OGFOD3: variants seen among roughly 807,000 people sequenced by gnomAD.
OGFOD3 encodes 2-oxoglutarate and iron dependent oxygenase domain containing 3, also known as 2-oxoglutarate and iron-dependent oxygenase domain-containing protein 3.
A neutral mutation model predicts 39.8 loss-of-function variants in OGFOD3; 35 were observed. That is an observed-to-expected ratio of 0.88 (90% CI 0.67 to 1.17). OGFOD3 has a LOEUF of 1.17. Among genes scored for constraint, OGFOD3 ranks in the 50% most tolerant of loss-of-function variants. OGFOD3 has a pLI of 0.00. For missense variants in OGFOD3, 438 were observed against 454.5 expected, an observed-to-expected ratio of 0.96 and a Z score of 0.33; for synonymous variants, 200 against 192.0, an observed-to-expected ratio of 1.04 and a Z score of -0.34.
At chr17:82,413,293 G>C (rs926895006) in intron 2 of OGFOD3, among the ~76,000 whole-genome samples, 2 of 152,148 alleles carry the variant, frequency 1.3e-5, no homozygotes, top group African/African-American at 4.8e-5. Flanking sequence ...GCACAGGAGC[G>C]ACTCGGCAGG....
chr17:82,400,543 T>C (rs2052748160), intron 7 of OGFOD3, among the ~76,000 whole-genome samples: 1 of 152,228 alleles, frequency 6.6e-6, no homozygotes, highest in South Asian at 2.1e-4. Flanking sequence ...GGTATTCTTA[T>C]GCATTCGTTT....
At chr17:82,394,516 C>A in intron 8 of OGFOD3, 1 of 1,612,756 alleles carries the variant, frequency 6.2e-7, no homozygotes, top group Non-Finnish European at 8.5e-7. Context: ...TTGGAACCCA[C>A]AAGACATCAT....
At chr17:82,413,992 C>T (rs577678094) in intron 2 of OGFOD3, among the ~76,000 whole-genome samples, 79 of 152,268 alleles carry the variant, frequency 5.2e-4, no homozygotes, top group African/African-American at 1.6e-3. Flanking sequence ...TTAAAAAGTG[C>T]GCAGTGTGGT....
intron 8 of OGFOD3, chr17:82,396,414 A>G (rs575831733): frequency 6.6e-6 from 1 of 151,132 alleles, no homozygotes; most frequent in South Asian, 2.1e-4. Context: ...TACGACATCA[A>G]ATCACAGGGA....
At chr17:82,403,803 G>A (rs542257576) in intron 7 of OGFOD3, 134 bp downstream of exon 7, 4 of 1,199,718 alleles carry the variant, frequency 3.3e-6, no homozygotes, top group Non-Finnish European at 2.4e-6. Context: ...GCCCACGTAC[G>A]CACTCACCCT....
At chr17:82,409,098 C>T (rs1458561697) in intron 4 of OGFOD3, among the ~76,000 whole-genome samples, 1 of 152,238 alleles carries the variant, frequency 6.6e-6, no homozygotes, top group Non-Finnish European at 1.5e-5. Context: ...CCCTCTATCC[C>T]CCAGTGTGAA....
chr17:82,411,391 C>A, intron 3 of OGFOD3, 64 bp downstream of exon 3: 1 of 1,445,626 alleles, frequency 6.9e-7, no homozygotes. Flanking sequence ...GCTCTGCTTC[C>A]CGCCCTAGCC....
intron 7 of OGFOD3, among the ~76,000 whole-genome samples, chr17:82,403,438 C>T (rs756664682): frequency 1.2e-4 from 19 of 152,270 alleles, no homozygotes; most frequent in Non-Finnish European, 1.5e-4. Context: ...TTGAGACTAT[C>T]CTGGCCAACA....
intron 3 of OGFOD3, among the ~76,000 whole-genome samples, chr17:82,411,182 G>A (rs979447574): frequency 6.6e-6 from 1 of 151,450 alleles, no homozygotes; most frequent in African/African-American, 2.4e-5. Flanking sequence ...GAGTAGCTGG[G>A]ACTACAGGCA....
chr17:82,411,484 G>A lies in OGFOD3; in HGVS notation c.351C>T (p.Ile117=), dbSNP rs779880882. The A allele has an allele frequency of 6.2e-6, 10 of 1,614,068 alleles. No individual in the cohort carries two copies. The highest frequency in any genetic ancestry group is 1.6e-4 in the Middle Eastern group (1 of 6,084). ...GAATCCGCTCCGCTTCCTCCCTGGT[G>A]ATGACGACATCGGTGACACCTCTGC... ...KCGRGVTDVV[I]TREEAERIRS... is the part of the protein sequence containing the mutation. Residue 117 remains isoleucine (I), a synonymous_variant, in exon 3 of 9, where the codon ATC becomes ATT. Transcript: ENST00000313056.
intron 3 of OGFOD3, among the ~76,000 whole-genome samples, chr17:82,409,851 C>T (rs1038243592): frequency 2.0e-5 from 3 of 152,200 alleles, no homozygotes; most frequent in East Asian, 3.9e-4. Context: ...GCCGAGATCG[C>T]GCCACTGCAC....
chr17:82,395,425 T>A (rs1364981564), intron 8 of OGFOD3, among the ~76,000 whole-genome samples: 2 of 152,080 alleles, frequency 1.3e-5, no homozygotes, highest in African/African-American at 2.4e-5. Context: ...CAACAGTGAG[T>A]CACTGGACCT....
chr17:82,410,749 C>T (rs142189374), intron 3 of OGFOD3, among the ~76,000 whole-genome samples: 2,796 of 124,886 alleles, frequency 0.022, 98 homozygotes, highest in African/African-American at 0.08. Context: ...GATGGAGTCT[C>T]ACTCTGTCAC....
chr17:82,411,788 TCA>T, intron 2 of OGFOD3: 1 of 505,406 alleles, frequency 2.0e-6, no homozygotes, highest in Middle Eastern at 5.3e-4. Context: ...CCTGGGAAAG[TCA>T]CAGAAACCCC....
chr17:82,394,242 G>T, intron 8 of OGFOD3: 2 of 1,027,918 alleles, frequency 1.9e-6, no homozygotes, highest in Non-Finnish European at 1.4e-6. Flanking sequence ...CGCCCGTCTT[G>T]GCCTCCCAAA....
chr17:82,401,564 G>A (rs1567868575), intron 7 of OGFOD3, among the ~76,000 whole-genome samples: 1 of 151,830 alleles, frequency 6.6e-6, no homozygotes, highest in Non-Finnish European at 1.5e-5. Flanking sequence ...TGCACTTTGG[G>A]AGGCAGAGGC....
At chr17:82,393,015 T>A (rs916026485) in intron 8 of OGFOD3, 1 of 155,458 alleles carries the variant, frequency 6.4e-6, no homozygotes, top group African/African-American at 2.4e-5. Flanking sequence ...AACACCTCTC[T>A]GTCTCCCTTC....
At chr17:82,411,433 G>A (rs376762128) in intron 3 of OGFOD3, 22 bp downstream of exon 3, 175 of 1,609,088 alleles carry the variant, frequency 1.1e-4, no homozygotes, top group Non-Finnish European at 1.4e-4. Flanking sequence ...GAATCCCACC[G>A]TGCTCAGGGA....
intron 4 of OGFOD3, among the ~76,000 whole-genome samples, chr17:82,408,940 G>C (rs1301944559): frequency 6.6e-6 from 1 of 152,206 alleles, no homozygotes; most frequent in African/African-American, 2.4e-5. Flanking sequence ...GTCCAGCTAG[G>C]AAGTTGCAGG....
Sources: allele counts gnomAD v4.1 joint callset (sites outside exome capture counted in the v4.1 genomes callset), GRCh38; gene constraint gnomAD v4.1.1; transcripts MANE v1.5; gene names NCBI Gene and HGNC (gene_info 2026-07-23, HGNC 2026-07-21).